The following AK8 variants were observed in gnomAD, a reference collection of about 807,000 sequenced individuals.
AK8 encodes the protein adenylate kinase 8.
A neutral mutation model predicts 54.6 loss-of-function variants in AK8; 44 were observed. That is an observed-to-expected ratio of 0.81 (90% CI 0.63 to 1.04). The LOEUF (loss-of-function observed/expected upper bound fraction) is 1.04, where lower values mean the gene tolerates loss of function less well. AK8 is among the 50% of genes least tolerant of loss of function. The pLI, the probability that AK8 is intolerant of heterozygous loss-of-function variation, is 0.00. For missense variants in AK8, 555 were observed against 613.6 expected (o/e 0.90, Z 1.01); for synonymous variants, 239 against 245.6 (o/e 0.97, Z 0.25).
At chr9:132,734,414 G>A (rs1432986963) in intron 11 of AK8, among the ~76,000 whole-genome samples, 2 of 152,118 alleles carry the variant, frequency 1.3e-5, no homozygotes, top group African/African-American at 2.4e-5. Context: ...GGTATACTTG[G>A]TCCAGGGTGA....
chr9:132,785,675 T>C (rs1355172405), intron 11 of AK8, among the ~76,000 whole-genome samples: 1 of 148,740 alleles, frequency 6.7e-6, no homozygotes, highest in Non-Finnish European at 1.5e-5. Flanking sequence ...GACTCAACTA[T>C]TCAAGGAAAA....
chr9:132,797,015 G>C (rs1840204511), intron 10 of AK8, among the ~76,000 whole-genome samples: 1 of 152,126 alleles, frequency 6.6e-6, no homozygotes, highest in African/African-American at 2.4e-5. Flanking sequence ...AAAAGATTGA[G>C]GAAGAAAGGG....
At chr9:132,734,516 G>A (rs548966974) in intron 11 of AK8, among the ~76,000 whole-genome samples, 73 of 152,252 alleles carry the variant, frequency 4.8e-4, no homozygotes, top group African/African-American at 1.5e-3. Context: ...CAGGAGCATC[G>A]CTTGAGCTCA....
intron 5 of AK8, among the ~76,000 whole-genome samples, chr9:132,854,338 G>A (rs752607020): frequency 8.5e-5 from 13 of 152,236 alleles, no homozygotes; most frequent in Non-Finnish European, 1.5e-5. Flanking sequence ...TCAGTGCCCA[G>A]TAGACAGGTG....
rs1328085967 is a variant in AK8, at chr9:132,826,912, G to T, written c.699C>A (p.Tyr233Ter). ...CACTGATGACTTTGAGGATTTTGGG[G>T]TAGGAGGGAATGACCCTGACGATGT... Reference protein sequence around the residue: ...HRNIVRVIPSYPKILKVISAD... With the variant: ...HRNIVRVIPS Residue 233 changes from tyrosine (Y) to a stop codon, truncating the protein, a stop_gained, in exon 8 of 13, where the codon TAC (tyrosine) becomes TAA (stop). Transcript: ENST00000298545. LOFTEE classifies it high-confidence loss of function. The surrounding 1 kb of genome is among the most constrained non-coding windows in gnomAD (Gnocchi z 4.5). 9.3e-6 allele frequency: 15 copies of T among 1,614,126 alleles called. No homozygotes were observed. The East Asian group carries it at 3.1e-4, about 34-fold the overall frequency.
At chr9:132,760,596 A>G (rs116327741) in intron 11 of AK8, among the ~76,000 whole-genome samples, 1,757 of 152,102 alleles carry the variant, frequency 0.012, 38 homozygotes, top group African/African-American at 0.041. Flanking sequence ...TCTTGTCTTT[A>G]CTGCACTGTT....
At chr9:132,875,067 G>C in intron 2 of AK8, 48 bp downstream of exon 2, 1 of 1,609,758 alleles carries the variant, frequency 6.2e-7, no homozygotes, top group Non-Finnish European at 8.5e-7. Flanking sequence ...GGAAGGAGGA[G>C]GAGGGGAAGG....
In AK8 at chr9:132,866,057, G is replaced by A. The variant is rs77467716; in HGVS notation, c.219+847C>T. Among the ~76,000 whole-genome samples the A allele has an allele frequency of 9.0e-3, 1,361 of 151,874 alleles. 18 individuals are homozygous for A. Among genetic ancestry groups the A allele is most frequent in the African/African-American group, 0.031 (1,271 of 41,426 alleles). ...TACTAAAAATACATAAATTAGCCGC[G>A]CATGGTGGTGCATGCCTGTAGTCCC... On this transcript the variant is annotated intron_variant, in intron 3 of 12. Coordinates refer to ENST00000298545, the MANE Select transcript of AK8 (RefSeq NM_152572.3).
At chr9:132,794,489 C>G (rs976565714) in intron 10 of AK8, among the ~76,000 whole-genome samples, 16 of 152,230 alleles carry the variant, frequency 1.1e-4, no homozygotes, top group African/African-American at 3.6e-4. Context: ...CCAGGGAAGT[C>G]TCTGAGGACA....
chr9:132,845,429 G>A (rs550028333), intron 5 of AK8, among the ~76,000 whole-genome samples: 2 of 152,338 alleles, frequency 1.3e-5, no homozygotes, highest in South Asian at 4.1e-4. Flanking sequence ...ACTATGCAAA[G>A]AGGTTATGCA....
intron 11 of AK8, among the ~76,000 whole-genome samples, chr9:132,746,892 TGAA>T (rs909549892): frequency 2.0e-5 from 3 of 152,190 alleles, no homozygotes; most frequent in African/African-American, 7.2e-5. Context: ...TAATTGAAAA[TGAA>T]GTATCAATTA....
intron 11 of AK8, among the ~76,000 whole-genome samples, chr9:132,771,662 G>A (rs866374624): frequency 6.6e-6 from 1 of 152,214 alleles, no homozygotes; most frequent in South Asian, 2.1e-4. Context: ...CCCTTCAAAA[G>A]GCTCAAGGCT....
chr9:132,817,377 G>A (rs957592897), intron 9 of AK8, among the ~76,000 whole-genome samples: 4 of 152,204 alleles, frequency 2.6e-5, no homozygotes, highest in Admixed American at 2.6e-4. Context: ...TGACTCCTAT[G>A]AGGAGAGAAA....
intron 1 of AK8, among the ~76,000 whole-genome samples, chr9:132,875,435 C>T (rs371772027): frequency 1.3e-5 from 2 of 152,148 alleles, no homozygotes; most frequent in African/African-American, 4.8e-5. Context: ...GGAGGAGTCT[C>T]GCCCCTGATT....
At chr9:132,847,347 G>A (rs1419518874) in intron 5 of AK8, among the ~76,000 whole-genome samples, 3 of 152,212 alleles carry the variant, frequency 2.0e-5, no homozygotes, top group East Asian at 3.8e-4. Flanking sequence ...CGTTTGGCAG[G>A]GGCAGTGATG....
chr9:132,778,654 T>C (rs1274575540), intron 11 of AK8, among the ~76,000 whole-genome samples: 1 of 152,140 alleles, frequency 6.6e-6, no homozygotes, highest in Non-Finnish European at 1.5e-5. Context: ...CCAAAAGAAA[T>C]TGTCATACGG....
chr9:132,840,492 G>T (rs910547533), intron 5 of AK8, among the ~76,000 whole-genome samples: 1 of 151,456 alleles, frequency 6.6e-6, no homozygotes, highest in African/African-American at 2.4e-5. Flanking sequence ...CAGCTGGCTC[G>T]GAAATTTCAC....
Position 132,790,255 on chromosome 9 carries a change from CTT to C in AK8, c.1121+2377_1121+2378del, listed in dbSNP as rs769817268. 6.9e-5 allele frequency among the ~76,000 whole-genome samples: 10 copies of C among 145,714 alleles called. No individual in the cohort carries two copies. Among genetic ancestry groups the C allele is most frequent in the Non-Finnish European group, 9.1e-5 (6 of 65,756 alleles). On this transcript the variant is annotated intron_variant, in intron 11 of 12. Transcript: ENST00000298545. The surrounding 1 kb of genome is among the most constrained non-coding windows in gnomAD (Gnocchi z 4.1). Reference sequence around the variant, plus strand: ...GATTTTAAATCACGGAGCTATACTTCTTTTTTTTTTTTTGAGACGGAGTCTCA... The same window carrying C: ...GATTTTAAATCACGGAGCTATACTTCTTTTTTTTTTTGAGACGGAGTCTCA...
At chr9:132,782,348 G>A (rs1839513193) in intron 11 of AK8, among the ~76,000 whole-genome samples, 1 of 152,052 alleles carries the variant, frequency 6.6e-6, no homozygotes, top group Admixed American at 6.6e-5. Context: ...TGATTGTTCT[G>A]CATTTTCCCC....
Sources: allele counts gnomAD v4.1 joint callset (sites outside exome capture counted in the v4.1 genomes callset), GRCh38; gene constraint gnomAD v4.1.1; non-coding constraint Gnocchi (gnomAD v3.1); transcripts MANE v1.5; gene names NCBI Gene and HGNC (gene_info 2026-07-23, HGNC 2026-07-21).